PLA2G5: variants seen among roughly 807,000 people sequenced by gnomAD.
PLA2G5 encodes phospholipase A2 group V.
A neutral mutation model predicts 15.9 loss-of-function variants in PLA2G5; 12 were observed. The ratio of observed to expected loss-of-function variants is 0.76; its 90% CI spans 0.48 to 1.23. PLA2G5 has a LOEUF of 1.23. PLA2G5 is among the 50% of genes most tolerant of loss of function. The pLI is 0.00. For missense variants in PLA2G5, 169 were observed against 177.1 expected (o/e 0.95, Z 0.26); for synonymous variants, 71 against 71.4 (o/e 0.99, Z 0.03).
chr1:20,044,703 CA>C (rs1482940908), intron 1 of PLA2G5, among the ~76,000 whole-genome samples: 2 of 151,990 alleles, frequency 1.3e-5, no homozygotes, highest in Non-Finnish European at 1.5e-5. Context: ...AACTGTAAGC[CA>C]GACTGGGTGT....
At chr1:20,089,304 G>A (rs1327320883) in intron 3 of PLA2G5, among the ~76,000 whole-genome samples, 32 of 152,220 alleles carry the variant, frequency 2.1e-4, no homozygotes, top group Admixed American at 2.1e-3. Context: ...GATACGAGAA[G>A]TTTATTTCTG....
At position 20,084,809 on chromosome 1, in the gene PLA2G5, T is replaced by C. The variant is rs747252403; in HGVS notation, c.-10-12T>C. On this transcript the variant is annotated splice_polypyrimidine_tract_variant and intron_variant, in intron 1 of 4. Transcript: ENST00000375108. ...CTGATAGATCTGTTGTGGGATGTGTTTTTTTTTCCAGAACCCCAGAGATGA... is the reference window on the plus strand; with the variant it reads ...CTGATAGATCTGTTGTGGGATGTGTCTTTTTTTCCAGAACCCCAGAGATGA... The C allele has an allele frequency of 3.2e-6, 5 of 1,586,124 alleles. No individual in the cohort carries two copies. The East Asian group carries it at 1.2e-4, about 37-fold the overall frequency.
chr1:20,079,331 A>G (rs1158427584), intron 1 of PLA2G5, among the ~76,000 whole-genome samples: 1 of 152,078 alleles, frequency 6.6e-6, no homozygotes, highest in Non-Finnish European at 1.5e-5. Flanking sequence ...ATTTAATCCT[A>G]ACAACAGCTC....
At chr1:20,029,330 C>CCT (rs1557718631) in intron 1 of PLA2G5, among the ~76,000 whole-genome samples, 37 of 147,202 alleles carry the variant, frequency 2.5e-4, no homozygotes, top group East Asian at 2.1e-4. Flanking sequence ...TCCAGCCACC[C>CCT]GTGTGTTCCT....
intron 1 of PLA2G5, among the ~76,000 whole-genome samples, chr1:20,029,416 C>T (rs1003787415): frequency 7.3e-6 from 1 of 137,522 alleles, no homozygotes; most frequent in African/African-American, 2.8e-5. Context: ...CGCTGATATG[C>T]TCCTCTCAAG....
At chr1:20,036,399 A>G (rs1434957752) in intron 1 of PLA2G5, among the ~76,000 whole-genome samples, 1 of 152,126 alleles carries the variant, frequency 6.6e-6, no homozygotes, top group Non-Finnish European at 1.5e-5. Context: ...GTCATTTAAC[A>G]TAATTTCAAA....
At chr1:20,063,170 G>A (rs180788784) in intron 2 of PLA2G5, among the ~76,000 whole-genome samples, 31 of 152,086 alleles carry the variant, frequency 2.0e-4, no homozygotes, top group African/African-American at 7.5e-4. Flanking sequence ...TCTAGCCCAG[G>A]CAACAGAGTG....
chr1:20,036,702 G>A (rs967978488), intron 1 of PLA2G5, among the ~76,000 whole-genome samples: 5 of 151,964 alleles, frequency 3.3e-5, no homozygotes, highest in Non-Finnish European at 7.4e-5. Flanking sequence ...GTTTGCTCTT[G>A]TTGCCCAGGC....
In PLA2G5 at chr1:20,081,726, G is replaced by A. The variant is rs74057214; in HGVS notation, c.-10-3095G>A. 7.3e-4 allele frequency among the ~76,000 whole-genome samples: 111 copies of A among 151,946 alleles called. 3 individuals are homozygous for A. Among genetic ancestry groups the A allele is most frequent in the African/African-American group, 2.6e-3 (109 of 41,240 alleles). ...TACCAAGGCACTGGTTGTGTCAGCA[G>A]TGGGACGTATCCATACAGGCCTCAG... On this transcript the variant is annotated intron_variant, in intron 1 of 4. Coordinates refer to ENST00000375108, the MANE Select transcript of PLA2G5 (RefSeq NM_000929.3).
At chr1:20,037,698 T>A (rs914383498) in intron 1 of PLA2G5, among the ~76,000 whole-genome samples, 1 of 152,228 alleles carries the variant, frequency 6.6e-6, no homozygotes. Flanking sequence ...AGCTAGGGGC[T>A]GGTGCTTTCA....
intron 1 of PLA2G5, among the ~76,000 whole-genome samples, chr1:20,071,453 CA>C (rs1438957868): frequency 6.6e-6 from 1 of 152,064 alleles, no homozygotes; most frequent in African/African-American, 2.4e-5. Flanking sequence ...CTGGAGATGT[CA>C]AAGTATTAAT....
At position 20,089,861 on chromosome 1, in the gene PLA2G5, C is replaced by G. The variant is rs1175401651; in HGVS notation, c.258C>G (p.Tyr86Ter). The change falls in exon 4 of 5, where the codon TAC becomes TAG. Residue 86 changes from tyrosine to a stop codon, truncating the protein, a stop_gained. Coordinates refer to ENST00000375108, the MANE Select transcript of PLA2G5 (RefSeq NM_000929.3). LOFTEE classifies it low-confidence loss of function (END_TRUNC). ...GCTGCAACATTCGCACACAGTCCTACAAATACAGATTCGCGTGGGGCGTGG... is the reference window on the plus strand; with the variant it reads ...GCTGCAACATTCGCACACAGTCCTAGAAATACAGATTCGCGTGGGGCGTGG... ...EKGCNIRTQS[Y>*]KYRFAWGVVT... is the part of the protein sequence containing the mutation. The G allele has an allele frequency of 6.2e-7, 1 of 1,614,062 alleles. No homozygotes were observed. The highest frequency in any genetic ancestry group is 8.5e-7 in the Non-Finnish European group (1 of 1,179,950).
chr1:20,086,303 T>C, intron 3 of PLA2G5, 76 bp downstream of exon 3: 1 of 1,462,672 alleles, frequency 6.8e-7, no homozygotes, highest in Non-Finnish European at 9.4e-7. Flanking sequence ...CCATATCAGT[T>C]CTGGAAGATG....
chr1:20,079,113 CA>C (rs5772882), intron 1 of PLA2G5, among the ~76,000 whole-genome samples: 45,790 of 101,848 alleles, frequency 0.45, 8,208 homozygotes, highest in Middle Eastern at 0.58. Context: ...GACCCTGTCT[CA>C]AAAAAAAAAA....
At chr1:20,087,553 G>A (rs1569839248) in intron 3 of PLA2G5, among the ~76,000 whole-genome samples, 3 of 151,912 alleles carry the variant, frequency 2.0e-5, no homozygotes, top group Admixed American at 2.0e-4. Flanking sequence ...ATACACATGG[G>A]CAAATAGAAA....
chr1:20,057,473 A>G (rs1167971035), intron 1 of PLA2G5, among the ~76,000 whole-genome samples: 1 of 152,056 alleles, frequency 6.6e-6, no homozygotes, highest in African/African-American at 2.4e-5. Flanking sequence ...AGTATGGTAT[A>G]TATTTCTCCT....
chr1:20,090,641 A>G lies in PLA2G5; in HGVS notation c.366A>G (p.Leu122=), dbSNP rs1383603445. ...RKLVYCLKRN[L]RSYNPQYQYF... ...TCGTCTACTGCCTCAAGAGAAACCTACGGAGCTACAACCCACAGTACCAAT... is the reference window on the plus strand; with the variant it reads ...TCGTCTACTGCCTCAAGAGAAACCTGCGGAGCTACAACCCACAGTACCAAT... The change falls in exon 5 of 5, where the codon CTA becomes CTG. Residue 122 remains leucine, a synonymous_variant. Coordinates refer to ENST00000375108, the MANE Select transcript of PLA2G5 (RefSeq NM_000929.3). 1.2e-6 allele frequency: 2 copies of G among 1,613,944 alleles called. No homozygotes were observed. Among genetic ancestry groups the G allele is most frequent in the Non-Finnish European group, 8.5e-7 (1 of 1,179,874 alleles).
chr1:20,044,909 G>T (rs2100364071), intron 1 of PLA2G5, among the ~76,000 whole-genome samples: 1 of 152,172 alleles, frequency 6.6e-6, no homozygotes, highest in Non-Finnish European at 1.5e-5. Context: ...GGGGACAGAG[G>T]GGAGGGAAAG....
intron 1 of PLA2G5, among the ~76,000 whole-genome samples, chr1:20,051,329 A>C (rs2014168402): frequency 6.6e-6 from 1 of 152,236 alleles, no homozygotes; most frequent in Non-Finnish European, 1.5e-5. Flanking sequence ...AAAAACTGTC[A>C]TGACTCATGG....
Sources: allele counts gnomAD v4.1 joint callset (sites outside exome capture counted in the v4.1 genomes callset), GRCh38; gene constraint gnomAD v4.1.1; transcripts MANE v1.5; gene names NCBI Gene and HGNC (gene_info 2026-07-23, HGNC 2026-07-21).